The following NELL1 variants were observed in gnomAD, a reference collection of about 807,000 sequenced individuals.
The protein encoded by NELL1 is neural EGFL like 1, also known as protein kinase C-binding protein NELL1.
Under a neutral mutation model 107.4 loss-of-function variants are expected in NELL1, and 76 were observed. The observed-to-expected ratio is 0.71, with a 90% CI of 0.59 to 0.86. The LOEUF is 0.86. Among genes scored for constraint, NELL1 ranks in the 40% least tolerant of loss-of-function variants. NELL1 has a pLI of 0.00. For synonymous variants in NELL1, 353 were observed against 341.2 expected, an observed-to-expected ratio of 1.03 and a Z score of -0.38; for missense variants, 1,024 against 1,005.5, an observed-to-expected ratio of 1.02 and a Z score of -0.25.
intron 13 of NELL1, among the ~76,000 whole-genome samples, chr11:21,157,161 ATGTG>A (rs58571261): frequency 4.2e-4 from 63 of 149,686 alleles, no homozygotes; most frequent in South Asian, 2.8e-3. Context: ...ATATATATAT[ATGTG>A]TGTGTGTGTG....
At chr11:20,754,190 A>G (rs539571194) in intron 2 of NELL1, among the ~76,000 whole-genome samples, 1 of 152,298 alleles carries the variant, frequency 6.6e-6, no homozygotes, top group African/African-American at 2.4e-5. Context: ...AATAAATTCA[A>G]GTACCTCCAG....
intron 13 of NELL1, among the ~76,000 whole-genome samples, chr11:21,125,823 T>C (rs1431115909): frequency 6.6e-6 from 1 of 152,222 alleles, no homozygotes; most frequent in Non-Finnish European, 1.5e-5. Flanking sequence ...AACTGGAGGT[T>C]ACCTGTGTAG....
chr11:21,128,914 G>A (rs554179171), intron 13 of NELL1, among the ~76,000 whole-genome samples: 2 of 152,208 alleles, frequency 1.3e-5, no homozygotes, highest in Non-Finnish European at 1.5e-5. Context: ...CCAGAGACTA[G>A]TGCCCTCTAT....
At chr11:20,991,643 C>T (rs7936285) in intron 12 of NELL1, among the ~76,000 whole-genome samples, 4 of 151,886 alleles carry the variant, frequency 2.6e-5, no homozygotes, top group African/African-American at 7.3e-5. Flanking sequence ...GGACGTGCCT[C>T]GGATTGGTCG....
At chr11:21,008,495 C>T (rs1051444754) in intron 12 of NELL1, among the ~76,000 whole-genome samples, 2 of 151,904 alleles carry the variant, frequency 1.3e-5, no homozygotes, top group East Asian at 1.9e-4. Flanking sequence ...CTGGGACAGG[C>T]GCTGTATTAT....
At chr11:21,206,710 G>T (rs2133855081) in intron 13 of NELL1, among the ~76,000 whole-genome samples, 1 of 152,268 alleles carries the variant, frequency 6.6e-6, no homozygotes, top group East Asian at 1.9e-4. Context: ...CCCTTTGTCA[G>T]TCTTTCTCTC....
At position 21,030,990 on chromosome 11, in the gene NELL1, C is replaced by T. The variant is rs371316450; in HGVS notation, c.1300+70430C>T. 1.2e-4 allele frequency among the ~76,000 whole-genome samples: 18 copies of T among 152,258 alleles called. No individual in the cohort carries two copies. The East Asian group carries it at 2.5e-3, about 21-fold the overall frequency. The stretch of plus-strand genomic sequence containing the variant: ...AGGCAATTCTCTGGCCCCAGCCTCC[C>T]AAGTAGCTGGGACTGTGCCATTGTG... On this transcript the variant is annotated intron_variant, in intron 12 of 19. Coordinates refer to ENST00000357134, the MANE Select transcript of NELL1 (RefSeq NM_006157.5).
intron 12 of NELL1, among the ~76,000 whole-genome samples, chr11:20,973,243 G>C (rs1199618959): frequency 1.3e-5 from 2 of 151,418 alleles, no homozygotes. Flanking sequence ...TGAGTAGCTG[G>C]GATTATAGGC....
At chr11:21,411,959 G>A (rs535806322) in intron 15 of NELL1, among the ~76,000 whole-genome samples, 9 of 152,130 alleles carry the variant, frequency 5.9e-5, no homozygotes, top group African/African-American at 1.4e-4. Flanking sequence ...TTCTCATCCT[G>A]TTGCTTTGTC....
chr11:21,275,751 C>G (rs549501782), intron 14 of NELL1, among the ~76,000 whole-genome samples: 1 of 152,146 alleles, frequency 6.6e-6, no homozygotes, highest in Non-Finnish European at 1.5e-5. Flanking sequence ...TCAACATACG[C>G]AAATCAATAA....
At chr11:21,245,226 C>T (rs137974316) in intron 14 of NELL1, among the ~76,000 whole-genome samples, 1 of 152,270 alleles carries the variant, frequency 6.6e-6, no homozygotes, top group Non-Finnish European at 1.5e-5. Flanking sequence ...GTCTTCCCTT[C>T]TTCCCTGCTG....
chr11:21,574,968 A>G lies in NELL1; in HGVS notation c.2383-4A>G. ...TGGCTAACACATGTTTCTTTGATGT[A>G]CAGAATGGAAGAGTCTGTTGTTCTG... On this transcript the variant is annotated splice_polypyrimidine_tract_variant and splice_region_variant and intron_variant, in intron 19 of 19. Transcript: ENST00000357134. The G allele has an allele frequency of 6.2e-7, 1 of 1,610,456 alleles. No individual in the cohort carries two copies. Among genetic ancestry groups the G allele is most frequent in the South Asian group, 1.1e-5 (1 of 90,920 alleles).
intron 4 of NELL1, among the ~76,000 whole-genome samples, chr11:20,863,840 C>T (rs915551692): frequency 4.6e-5 from 7 of 152,242 alleles, no homozygotes; most frequent in Non-Finnish European, 7.3e-5. Context: ...GTGAACGAGA[C>T]TCCGTCTGCA....
intron 15 of NELL1, among the ~76,000 whole-genome samples, chr11:21,527,774 T>C (rs1001386480): frequency 5.3e-5 from 8 of 151,916 alleles, no homozygotes; most frequent in Admixed American, 3.9e-4. Flanking sequence ...CTGAAGAGCT[T>C]GGAGTCTGAT....
chr11:21,444,161 G>T (rs777635883), intron 15 of NELL1, among the ~76,000 whole-genome samples: 1 of 151,888 alleles, frequency 6.6e-6, no homozygotes, highest in Non-Finnish European at 1.5e-5. Context: ...CACTTAACAG[G>T]GTATTATGAA....
intron 12 of NELL1, among the ~76,000 whole-genome samples, chr11:21,091,281 A>G (rs770542250): frequency 6.6e-6 from 1 of 152,198 alleles, no homozygotes; most frequent in Non-Finnish European, 1.5e-5. Context: ...GAGCATTATA[A>G]AGAATGCCTT....
chr11:20,847,329 A>G (rs1277231307), intron 3 of NELL1, among the ~76,000 whole-genome samples: 1 of 152,138 alleles, frequency 6.6e-6, no homozygotes, highest in Admixed American at 6.6e-5. Flanking sequence ...GAGTTTTGCT[A>G]ATTAGCTGTG....
intron 3 of NELL1, among the ~76,000 whole-genome samples, chr11:20,786,922 G>A (rs1856975426): frequency 1.4e-5 from 2 of 144,564 alleles, no homozygotes; most frequent in Admixed American, 1.4e-4. Context: ...GCAGGAGAAT[G>A]GTATGAACCC....
At chr11:20,950,695 T>C (rs1210476951) in intron 11 of NELL1, among the ~76,000 whole-genome samples, 1 of 152,218 alleles carries the variant, frequency 6.6e-6, no homozygotes, top group Non-Finnish European at 1.5e-5. Flanking sequence ...GTATCCTGCA[T>C]ATGGAAAGGC....
Sources: gnomAD v4.1 joint callset for allele counts (sites outside exome capture counted in the v4.1 genomes callset) on GRCh38, gnomAD v4.1.1 for gene constraint, MANE v1.5 for transcripts, NCBI Gene and HGNC (gene_info 2026-07-23, HGNC 2026-07-21) for gene names.